Variants in SLC36A1 observed in about 807,000 individuals in gnomAD.
SLC36A1 encodes the protein proton-coupled amino acid transporter 1.
In SLC36A1, 30 loss-of-function variants were observed where a neutral mutation model predicts 47.5. That is an observed-to-expected ratio of 0.63 (90% confidence interval 0.47 to 0.86). The LOEUF (loss-of-function observed/expected upper bound fraction) is 0.86. Ranked by LOEUF, SLC36A1 falls within the 40% of genes least tolerant of loss-of-function variation. SLC36A1 has a pLI of 0.00. For synonymous variants in SLC36A1, 255 were observed against 249.7 expected, an observed-to-expected ratio of 1.02 and a Z score of -0.20; for missense variants, 517 against 606.0, an observed-to-expected ratio of 0.85 and a Z score of 1.54.
At chr5:151,535,512 A>G in the SLC36A1 span, among the ~76,000 whole-genome samples, 1 of 152,124 alleles carries the variant, frequency 6.6e-6, no homozygotes, top group Admixed American at 6.5e-5. Flanking sequence ...TGGTGCGCCC[A>G]GGGAGGACAT....
At chr5:151,463,941 A>G (rs879515282) in intron 3 of SLC36A1, among the ~76,000 whole-genome samples, 1 of 152,190 alleles carries the variant, frequency 6.6e-6, no homozygotes, top group Non-Finnish European at 1.5e-5. Flanking sequence ...GTTTCTGTCA[A>G]TAATATGAAC....
At chr5:151,363,747 C>T in the SLC36A1 span, among the ~76,000 whole-genome samples, 399 of 152,312 alleles carry the variant, frequency 2.6e-3, 6 homozygotes, top group African/African-American at 9.2e-3. Flanking sequence ...CTTCCAGCAT[C>T]ACTAGTGGCA....
At chr5:151,447,336 T>C (rs1752986930), upstream of SLC36A1, among the ~76,000 whole-genome samples, 1 of 152,214 alleles carries the variant, frequency 6.6e-6, no homozygotes, top group Admixed American at 6.5e-5. Context: ...ATACAGCCAG[T>C]GTAAAAATTA....
rs371753956 is a variant in SLC36A1 at position 151,458,843 on chromosome 5, G to A, written c.51G>A (p.Thr17=). Residue 17 remains threonine, a synonymous_variant, in exon 2 of 11, where the codon ACG becomes ACA. Transcript: ENST00000243389. Reference sequence around the variant, plus strand: ...AAGACTACCACGACTACAGCTCCACGGACGTGAGCCCTGAGGAGAGCCCGT... The same window carrying A: ...AAGACTACCACGACTACAGCTCCACAGACGTGAGCCCTGAGGAGAGCCCGT... The part of the protein sequence containing the change: ...RNEDYHDYSS[T]DVSPEESPSE... 1.6e-5 allele frequency: 26 copies of A among 1,613,916 alleles called. No individual in the cohort carries two copies. Among genetic ancestry groups the A allele is most frequent in the African/African-American group, 2.7e-5 (2 of 74,916 alleles).
At chr5:151,405,739 G>A in the SLC36A1 span, among the ~76,000 whole-genome samples, 1 of 151,942 alleles carries the variant, frequency 6.6e-6, no homozygotes, top group East Asian at 1.9e-4. Context: ...GGGGCTTTTT[G>A]TTTCTGTGTT....
chr5:151,548,655 A>G, the SLC36A1 span, among the ~76,000 whole-genome samples: 1 of 152,000 alleles, frequency 6.6e-6, no homozygotes, highest in Non-Finnish European at 1.5e-5. Flanking sequence ...TAATTTTTGT[A>G]TTTTTAGTAG....
At position 151,438,173 on chromosome 5, in the gene SLC36A1, C is replaced by T. The variant is rs147647680; in HGVS notation, c.-6+994C>T. ...TCTTTGGGAGCTGTTACTCTGCCTA[C>T]CACACCATACATTCCACTTTACCTG... is the stretch of plus-strand genomic sequence containing the variant. On this transcript the variant is annotated intron_variant, in intron 1 of 8. Coordinates refer to the SLC36A1 transcript ENST00000429484. 3.0e-3 allele frequency among the ~76,000 whole-genome samples: 459 copies of T among 152,296 alleles called. 4 individuals carry two copies. Among genetic ancestry groups the T allele is most frequent in the African/African-American group, 0.011 (440 of 41,560 alleles).
chr5:151,468,758 A>T (rs1756945229), intron 7 of SLC36A1, among the ~76,000 whole-genome samples: 1 of 152,116 alleles, frequency 6.6e-6, no homozygotes, highest in Admixed American at 6.5e-5. Flanking sequence ...TGGTTAATTC[A>T]TGATCATTGT....
chr5:151,404,712 TA>T, the SLC36A1 span, among the ~76,000 whole-genome samples: 2 of 152,354 alleles, frequency 1.3e-5, no homozygotes, highest in South Asian at 2.1e-4. Flanking sequence ...GGAATTTCTT[TA>T]AAAATGCTGA....
the SLC36A1 span, among the ~76,000 whole-genome samples, chr5:151,513,968 G>A: frequency 6.6e-6 from 1 of 152,010 alleles, no homozygotes; most frequent in Non-Finnish European, 1.5e-5. Flanking sequence ...AGAACCACTG[G>A]GTTAAAACAT....
chr5:151,361,038 A>G, the SLC36A1 span, among the ~76,000 whole-genome samples: 1 of 152,212 alleles, frequency 6.6e-6, no homozygotes, highest in Non-Finnish European at 1.5e-5. Flanking sequence ...CCATTAAAGT[A>G]ATGTTATGTA....
the SLC36A1 span, among the ~76,000 whole-genome samples, chr5:151,366,101 C>T: frequency 6.6e-6 from 1 of 152,174 alleles, no homozygotes; most frequent in East Asian, 1.9e-4. Context: ...ACATACTCTT[C>T]CTGACATTCC....
chr5:151,357,701 C>T, the SLC36A1 span, among the ~76,000 whole-genome samples: 2 of 152,288 alleles, frequency 1.3e-5, no homozygotes, highest in South Asian at 2.1e-4. Context: ...ATACAGACCA[C>T]GAAGGTTAAA....
chr5:151,370,303 A>G, the SLC36A1 span, among the ~76,000 whole-genome samples: 1 of 152,192 alleles, frequency 6.6e-6, no homozygotes, highest in Non-Finnish European at 1.5e-5. Context: ...TATTTAGTGT[A>G]TATTATCTTA....
At chr5:151,457,456 C>G (rs915148122) in intron 1 of SLC36A1, among the ~76,000 whole-genome samples, 3 of 152,048 alleles carry the variant, frequency 2.0e-5, no homozygotes, top group South Asian at 2.1e-4. Flanking sequence ...AGTAAATCCA[C>G]CCAGGGGACA....
the SLC36A1 span, among the ~76,000 whole-genome samples, chr5:151,417,129 C>T: frequency 5.5e-4 from 83 of 152,238 alleles, no homozygotes; most frequent in Admixed American, 3.3e-3. Flanking sequence ...AGTGTGAAAA[C>T]GAACTAATAC....
chr5:151,518,154 G>C, the SLC36A1 span, among the ~76,000 whole-genome samples: 1 of 152,008 alleles, frequency 6.6e-6, no homozygotes, highest in Non-Finnish European at 1.5e-5. Flanking sequence ...AACAGAGCAA[G>C]ACCTCATCTC....
chr5:151,446,253 T>C (rs1479944573), upstream of SLC36A1, among the ~76,000 whole-genome samples: 1 of 152,210 alleles, frequency 6.6e-6, no homozygotes, highest in Non-Finnish European at 1.5e-5. Context: ...AGCATAGGAC[T>C]GGGTATGGTG....
the SLC36A1 span, among the ~76,000 whole-genome samples, chr5:151,404,413 T>A: frequency 6.6e-6 from 1 of 152,194 alleles, no homozygotes; most frequent in Non-Finnish European, 1.5e-5. Context: ...ACCATTCACA[T>A]TCAAGGTTAA....
Sources: allele counts gnomAD v4.1 joint callset (sites outside exome capture counted in the v4.1 genomes callset), GRCh38; gene constraint gnomAD v4.1.1; transcripts MANE v1.5; gene names NCBI Gene and HGNC (gene_info 2026-07-23, HGNC 2026-07-21).